The following JAZF1 variants were observed in gnomAD, a reference collection of about 807,000 sequenced individuals.
JAZF1 encodes the protein juxtaposed with another zinc finger protein 1.
Under a neutral mutation model 26.4 loss-of-function variants are expected in JAZF1, and 8 were observed. The observed-to-expected ratio is 0.30, with a 90% CI of 0.18 to 0.55. The LOEUF (loss-of-function observed/expected upper bound fraction) is 0.55. JAZF1 is among the 20% of genes least tolerant of loss of function. JAZF1 has a pLI of 0.94. For synonymous variants in JAZF1, 126 were observed against 122.3 expected, an observed-to-expected ratio of 1.03 and a Z score of -0.20; for missense variants, 199 against 322.0, an observed-to-expected ratio of 0.62 and a Z score of 2.92.
chr7:28,014,689 GTCT>G (rs1475877148), intron 1 of JAZF1, among the ~76,000 whole-genome samples: 1 of 152,170 alleles, frequency 6.6e-6, no homozygotes, highest in Non-Finnish European at 1.5e-5. Flanking sequence ...TCTTCGGTAT[GTCT>G]TTAACAGCAG....
intron 3 of JAZF1, among the ~76,000 whole-genome samples, chr7:27,893,899 C>T (rs1296951940): frequency 6.6e-6 from 1 of 152,184 alleles, no homozygotes; most frequent in African/African-American, 2.4e-5. Flanking sequence ...CTCTGGTCAG[C>T]TACCACCCTG....
At chr7:28,119,374 C>T (rs1252817959) in intron 1 of JAZF1, among the ~76,000 whole-genome samples, 2 of 152,178 alleles carry the variant, frequency 1.3e-5, no homozygotes, top group East Asian at 3.8e-4. Context: ...TTCCTCTATG[C>T]CAATCATATG....
intron 1 of JAZF1, among the ~76,000 whole-genome samples, chr7:28,109,197 G>C (rs556348555): frequency 6.6e-6 from 1 of 152,296 alleles, no homozygotes; most frequent in African/African-American, 2.4e-5. Flanking sequence ...TGGTGAGAGG[G>C]CTGGTCTTCA....
chr7:28,134,228 A>T (rs1782843470), intron 1 of JAZF1, among the ~76,000 whole-genome samples: 1 of 152,214 alleles, frequency 6.6e-6, no homozygotes, highest in Non-Finnish European at 1.5e-5. Context: ...TCAAAGGCAT[A>T]GCCAATAATC....
intron 1 of JAZF1, among the ~76,000 whole-genome samples, chr7:27,998,071 A>AAGGAAGGAAGGAAGGAAGGAAGGC (rs10691690): frequency 5.4e-4 from 60 of 111,588 alleles, no homozygotes; most frequent in African/African-American, 2.1e-3. Context: ...GGAAGGAAGG[A>AAGGAAGGAAGGAAGGAAGGAAGGC]AGGCAGGCAG....
intron 1 of JAZF1, among the ~76,000 whole-genome samples, chr7:28,042,141 C>T (rs1047595082): frequency 8.5e-5 from 13 of 152,166 alleles, no homozygotes; most frequent in African/African-American, 2.7e-4. Context: ...AATAGGAGTT[C>T]GTTAAGAGGG....
intron 1 of JAZF1, among the ~76,000 whole-genome samples, chr7:28,120,191 T>C (rs1784816814): frequency 6.6e-6 from 1 of 151,258 alleles, no homozygotes; most frequent in Non-Finnish European, 1.5e-5. Context: ...TTTTTTTTAT[T>C]AAGCTTTTCA....
At chr7:28,059,085 A>G (rs1244533912) in intron 1 of JAZF1, among the ~76,000 whole-genome samples, 3 of 152,230 alleles carry the variant, frequency 2.0e-5, no homozygotes, top group Admixed American at 6.5e-5. Context: ...TAGTAACATA[A>G]TAAGTACATA....
intron 2 of JAZF1, among the ~76,000 whole-genome samples, chr7:27,927,755 A>C (rs1483317209): frequency 6.6e-6 from 1 of 152,188 alleles, no homozygotes; most frequent in Non-Finnish European, 1.5e-5. Flanking sequence ...AAAATAATTC[A>C]TAATGGTAGA....
At chr7:27,986,872 G>C (rs906084680) in intron 2 of JAZF1, among the ~76,000 whole-genome samples, 3 of 152,174 alleles carry the variant, frequency 2.0e-5, no homozygotes, top group African/African-American at 7.2e-5. Context: ...GGCCGGGCTG[G>C]TCTCCAGCTC....
intron 2 of JAZF1, among the ~76,000 whole-genome samples, chr7:27,931,894 C>A (rs926176601): frequency 6.6e-6 from 1 of 151,670 alleles, no homozygotes; most frequent in African/African-American, 2.4e-5. Flanking sequence ...GCCTAAGTGA[C>A]AAAGTGAGAC....
chr7:27,935,143 C>A (rs868651992), intron 2 of JAZF1, among the ~76,000 whole-genome samples: 4 of 152,208 alleles, frequency 2.6e-5, no homozygotes, highest in African/African-American at 9.6e-5. Context: ...ATCAAAATCG[C>A]AACGAGATTC....
intron 3 of JAZF1, among the ~76,000 whole-genome samples, chr7:27,883,469 A>T (rs1783805313): frequency 6.6e-6 from 1 of 152,226 alleles, no homozygotes; most frequent in Admixed American, 6.5e-5. Context: ...GTGGTATAGG[A>T]TCACTTTGCA....
chr7:28,110,515 A>AAAGGAAAGGGAAAGG (rs1562590947), intron 1 of JAZF1, among the ~76,000 whole-genome samples: 7 of 58,948 alleles, frequency 1.2e-4, no homozygotes, highest in African/African-American at 6.4e-4. Context: ...AAAGGAAAGG[A>AAAGGAAAGGGAAAGG]AAAGGAAAAG....
intron 1 of JAZF1, among the ~76,000 whole-genome samples, chr7:28,160,818 C>T (rs1783272927): frequency 6.6e-6 from 1 of 152,122 alleles, no homozygotes; most frequent in South Asian, 2.1e-4. Flanking sequence ...AGATATGGAC[C>T]TTTATGGCTT....
chr7:28,082,180 G>GT (rs901778624), intron 1 of JAZF1, among the ~76,000 whole-genome samples: 13 of 152,264 alleles, frequency 8.5e-5, no homozygotes, highest in Admixed American at 7.2e-4. Context: ...ACAAAATGAA[G>GT]TAAGACCTGG....
chr7:28,049,093 T>C (rs796708438), intron 1 of JAZF1, among the ~76,000 whole-genome samples: 307 of 127,596 alleles, frequency 2.4e-3, no homozygotes, highest in African/African-American at 9.4e-3. Context: ...CTCTCTCTCT[T>C]TCTTTCTTTG....
chr7:27,891,586 G>A (rs1783977279), intron 3 of JAZF1, among the ~76,000 whole-genome samples: 1 of 152,166 alleles, frequency 6.6e-6, no homozygotes, highest in Admixed American at 6.5e-5. Flanking sequence ...CAGAGTTTTG[G>A]GAGGCAGAGG....
chr7:27,839,484 T>C (rs1481590126), intron 4 of JAZF1, among the ~76,000 whole-genome samples: 2 of 152,196 alleles, frequency 1.3e-5, no homozygotes, highest in African/African-American at 4.8e-5. Context: ...AGGTAACCCC[T>C]GAGCAGCCCT....
Sources: allele counts gnomAD v4.1 joint callset (sites outside exome capture counted in the v4.1 genomes callset), GRCh38; gene constraint gnomAD v4.1.1; transcripts MANE v1.5; gene names NCBI Gene and HGNC (gene_info 2026-07-23, HGNC 2026-07-21).